CHFR: variants seen among roughly 807,000 people sequenced by gnomAD.
The protein encoded by CHFR is checkpoint with forkhead and ring finger domains.
In CHFR, 57 loss-of-function variants were observed where a neutral mutation model predicts 87.6. That is an observed-to-expected ratio of 0.65 (90% CI 0.53 to 0.81). The LOEUF (loss-of-function observed/expected upper bound fraction) is 0.81. Among genes scored for constraint, CHFR ranks in the 30% least tolerant of loss-of-function variants. The probability of loss-of-function intolerance (pLI) is 0.00; values close to 1 mark genes in which losing one functional copy is unlikely to be tolerated. For synonymous variants in CHFR, 381 were observed against 359.2 expected (o/e 1.06, Z -0.69); for missense variants, 797 against 865.8 (o/e 0.92, Z 1.00).
In CHFR at chr12:132,839,376, TC is replaced by T. The variant is rs1286311811; in HGVS notation, c.*2177del. 7.1e-6 allele frequency: 1 copy of T among 141,202 alleles called. No individual in the cohort carries two copies. Among genetic ancestry groups the T allele is most frequent in the African/African-American group, 2.8e-5 (1 of 35,706 alleles). 8.7% of individuals were successfully genotyped at this position (141,202 alleles called of 1,614,324 possible). On this transcript the variant is annotated 3_prime_UTR_variant, in exon 18 of 18. Coordinates refer to ENST00000450056, the MANE Select transcript of CHFR (RefSeq NM_001161346.2). Reference sequence around the variant, plus strand: ...CTCACCCCCGCACTAACTCAGGACCTCCCCTCTTGGCCTCACCCCTGCACAA... The same window carrying T: ...CTCACCCCCGCACTAACTCAGGACCTCCCTCTTGGCCTCACCCCTGCACAA...
chr12:132,869,968 G>A (rs1951446871), intron 5 of CHFR, 170 bp from the exon 6 acceptor site: 2 of 730,550 alleles, frequency 2.7e-6, no homozygotes, highest in South Asian at 3.6e-5. Context: ...CAGCACTTTG[G>A]GAAGTCGAGG....
rs535660157 is a variant in CHFR, at chr12:132,859,410, G to C, written c.752-183C>G. ...CTGTCGCCCAGGCTGGAGTGCAGTG[G>C]CGCGATCTCGGCTCACTGCAAGCTC... On this transcript the variant is annotated intron_variant, in intron 7 of 17. Coordinates refer to ENST00000450056, the MANE Select transcript of CHFR (RefSeq NM_001161346.2). 4.3e-3 allele frequency among the ~76,000 whole-genome samples: 657 copies of C among 152,184 alleles called. 7 individuals carry two copies. The highest frequency in any genetic ancestry group is 0.015 in the African/African-American group (633 of 41,540).
At position 132,869,696 on chromosome 12, in the gene CHFR, G is replaced by A. The variant is rs1252563891; in HGVS notation, c.506C>T (p.Thr169Met). Residue 169 changes from threonine (T) to methionine (M), a missense_variant, in exon 6 of 18, where the codon ACG (threonine) becomes ATG (methionine). Thr to Met is a moderately conservative substitution (Grantham distance 81, BLOSUM62 -1). Around this residue, in one of 2 missense-constraint regions of CHFR, gnomAD observed 597 missense variants for 601.2 expected, o/e 0.99. Coordinates refer to ENST00000450056, the MANE Select transcript of CHFR (RefSeq NM_001161346.2). ...CFEEPQPSTSTSDLFPTASAS... is the reference protein window; with the variant it reads ...CFEEPQPSTSMSDLFPTASAS... ...CGAGGCTGTGGGGAAGAGGTCTGAC[G>A]TCGATGTTGATGGCTGTGGTTCCTC... is the stretch of plus-strand genomic sequence containing the variant. 51 of 1,551,644 alleles carry A rather than the reference G, an allele frequency of 3.3e-5. No homozygotes were observed. Among genetic ancestry groups the A allele is most frequent in the Non-Finnish European group, 3.8e-5 (44 of 1,147,022 alleles).
intron 9 of CHFR, 84 bp downstream of exon 9, chr12:132,857,321 T>G (rs1439352916): frequency 7.1e-6 from 10 of 1,403,430 alleles, no homozygotes; most frequent in African/African-American, 1.6e-5. Context: ...CGGGTGCTGC[T>G]GGGTGGATGC....
chr12:132,853,412 T>C lies in CHFR; in HGVS notation c.1372+19A>G, dbSNP rs1474927915. On this transcript the variant is annotated intron_variant, in intron 11 of 17. Coordinates refer to ENST00000450056, the MANE Select transcript of CHFR (RefSeq NM_001161346.2). The stretch of plus-strand genomic sequence containing the variant: ...AGTGACTCACGCGAAGGCTGAGGCC[T>C]GAGGGCGGCGCGGCTCACCTGTCGT... The C allele has an allele frequency of 6.7e-7, 1 of 1,501,756 alleles. No individual in the cohort carries two copies. The highest frequency in any genetic ancestry group is 2.6e-5 in the East Asian group (1 of 39,012). 93.0% of individuals were successfully genotyped at this position (1,501,756 alleles called of 1,614,324 possible).
rs1950635731 is a variant in CHFR at position 132,834,909 on chromosome 12, G to A, written c.*6645C>T. 1 of 150,994 alleles carries A rather than the reference G, an allele frequency of 6.6e-6. No homozygotes were observed. Among genetic ancestry groups the A allele is most frequent in the East Asian group, 1.9e-4 (1 of 5,140 alleles). The allele number at this position is 150,994 out of a possible 1,614,324, so 9.4% of individuals were successfully genotyped here. On this transcript the variant is annotated 3_prime_UTR_variant, in exon 18 of 18. Coordinates refer to ENST00000450056, the MANE Select transcript of CHFR (RefSeq NM_001161346.2). ...TTTTTGGTATTTTTTAGTAGAGACG[G>A]GGTTTCACCATGTTAGCCAGGATGG... is the stretch of plus-strand genomic sequence containing the variant.
At chr12:132,846,280 TGA>T (rs1482796406) in intron 15 of CHFR, among the ~76,000 whole-genome samples, 80 of 123,126 alleles carry the variant, frequency 6.5e-4, no homozygotes, top group African/African-American at 1.8e-3. Flanking sequence ...TTTTTTTTTT[TGA>T]GACGGAGTCT....
intron 6 of CHFR, among the ~76,000 whole-genome samples, chr12:132,865,408 G>A (rs1951311350): frequency 6.6e-6 from 1 of 151,816 alleles, no homozygotes; most frequent in African/African-American, 2.4e-5. Context: ...AGGCTGGAGT[G>A]CAGTGACGCG....
intron 17 of CHFR, 101 bp from the exon 18 acceptor site, chr12:132,841,697 C>T (rs1052549911): frequency 2.8e-5 from 27 of 948,226 alleles, no homozygotes; most frequent in Admixed American, 1.5e-4. Flanking sequence ...TAAACGCATT[C>T]GGAAACCATA....
rs1470098446 is a variant in CHFR at position 132,887,365 on chromosome 12, T to G, written c.-12-25A>C. 4 of 1,340,788 alleles carry G rather than the reference T, an allele frequency of 3.0e-6. No individual in the cohort carries two copies. The African/African-American group carries it at 6.2e-5, about 21-fold the overall frequency. 83.1% of individuals were successfully genotyped at this position (1,340,788 alleles called of 1,614,324 possible). ...TCTGCGGAGACCCCGGAAACGCCCA[T>G]GGAGACTCCCGACCCCAGAGGCCGA... On this transcript the variant is annotated intron_variant, in intron 1 of 17. Coordinates refer to ENST00000450056, the MANE Select transcript of CHFR (RefSeq NM_001161346.2).
Position 132,835,760 on chromosome 12 carries a change from G to A in CHFR, c.*5794C>T. On this transcript the variant is annotated 3_prime_UTR_variant, in exon 18 of 18. Coordinates refer to ENST00000450056, the MANE Select transcript of CHFR (RefSeq NM_001161346.2). Reference sequence around the variant, plus strand: ...GCGGCCCAAGTGGACCCACATTCAAGGCCAGCACTGGGCAGGGCGGGTCTC... The same window carrying A: ...GCGGCCCAAGTGGACCCACATTCAAAGCCAGCACTGGGCAGGGCGGGTCTC... 1 of 290,202 alleles carries A rather than the reference G, an allele frequency of 3.4e-6. No individual in the cohort carries two copies. The highest frequency in any genetic ancestry group is 6.7e-6 in the Non-Finnish European group (1 of 148,416). The allele number at this position is 290,202 out of a possible 1,614,324, so 18.0% of individuals were successfully genotyped here.
At chr12:132,851,105 C>CTCA (rs1950934085) in intron 12 of CHFR, among the ~76,000 whole-genome samples, 2 of 151,872 alleles carry the variant, frequency 1.3e-5, no homozygotes, top group Non-Finnish European at 2.9e-5. Context: ...ATCCTTTGGC[C>CTCA]TCAGCCTCCC....
chr12:132,858,986 G>A lies in CHFR; in HGVS notation c.911+82C>T, dbSNP rs912649299. Reference sequence around the variant, plus strand: ...CAGGCCAAACAGGACCTGCAGGCTTGTCTCATGCCCAGCCCTGCCCCACAC... The same window carrying A: ...CAGGCCAAACAGGACCTGCAGGCTTATCTCATGCCCAGCCCTGCCCCACAC... On this transcript the variant is annotated intron_variant, in intron 8 of 17. Transcript: ENST00000450056. The A allele has an allele frequency of 3.0e-5, 41 of 1,386,642 alleles. No homozygotes were observed. In the African/African-American group the frequency reaches 5.7e-4, roughly 19 times the overall value. The allele number at this position is 1,386,642 out of a possible 1,614,324, so 85.9% of individuals were successfully genotyped here. A position where few individuals can be genotyped will look rare whatever the true frequency, so the allele number is the denominator to read the frequency against.
intron 2 of CHFR, among the ~76,000 whole-genome samples, chr12:132,878,433 C>G (rs1417124726): frequency 6.6e-6 from 1 of 151,134 alleles, no homozygotes; most frequent in African/African-American, 2.4e-5. Flanking sequence ...CGCGCCACTG[C>G]ACTCCAGCCT....
At chr12:132,877,951 C>T (rs1335408082) in intron 2 of CHFR, among the ~76,000 whole-genome samples, 7 of 152,146 alleles carry the variant, frequency 4.6e-5, no homozygotes, top group Non-Finnish European at 1.0e-4. Context: ...TGCAGGCGCC[C>T]GCCATCACGC....
rs1470198072 is a variant in CHFR, at chr12:132,834,839, C to G, written c.*6715G>C. The G allele has an allele frequency of 6.6e-6, 1 of 152,188 alleles. No individual in the cohort carries two copies. The highest frequency in any genetic ancestry group is 2.4e-5 in the African/African-American group (1 of 41,402). 9.4% of individuals were successfully genotyped at this position (152,188 alleles called of 1,614,324 possible). A position where few individuals can be genotyped will look rare whatever the true frequency, so the allele number is the denominator to read the frequency against. ...CAAGCCATTCTCCTGCCTCAGCCTCCCGAGTAGCTGGGACTACAGGCACCC... is the reference window on the plus strand; with the variant it reads ...CAAGCCATTCTCCTGCCTCAGCCTCGCGAGTAGCTGGGACTACAGGCACCC... On this transcript the variant is annotated 3_prime_UTR_variant, in exon 18 of 18. Transcript: ENST00000450056.
At chr12:132,886,799 C>A (rs1424616105) in intron 2 of CHFR, among the ~76,000 whole-genome samples, 1 of 152,146 alleles carries the variant, frequency 6.6e-6, no homozygotes, top group Non-Finnish European at 1.5e-5. Context: ...AAAACAAGGT[C>A]CCCGTTGTAA....
At chr12:132,871,184 G>C (rs1276865807) in intron 4 of CHFR, among the ~76,000 whole-genome samples, 1 of 152,220 alleles carries the variant, frequency 6.6e-6, no homozygotes, top group East Asian at 1.9e-4. Context: ...AGGTGCAGTG[G>C]CTCTTGCCTG....
rs1244772415 is a variant in CHFR, at chr12:132,839,267, C to T, written c.*2287G>A. 3 of 172,794 alleles carry T rather than the reference C, an allele frequency of 1.7e-5. No homozygotes were observed. In the East Asian group the frequency reaches 5.7e-4, roughly 33 times the overall value. The allele number at this position is 172,794 out of a possible 1,614,324, so 10.7% of individuals were successfully genotyped here. A position where few individuals can be genotyped will look rare whatever the true frequency, so the allele number is the denominator to read the frequency against. ...CACTTCATTGGCGAATGCCAGCCTCCCCTCTCAGCCTCGCACCTGCACAAA... is the reference window on the plus strand; with the variant it reads ...CACTTCATTGGCGAATGCCAGCCTCTCCTCTCAGCCTCGCACCTGCACAAA... On this transcript the variant is annotated 3_prime_UTR_variant, in exon 18 of 18. Transcript: ENST00000450056.
Sources: gnomAD v4.1 joint callset for allele counts (sites outside exome capture counted in the v4.1 genomes callset) on GRCh38, gnomAD v4.1.1 for gene constraint, gnomAD v4.1.1 regional missense constraint, MANE v1.5 for transcripts, NCBI Gene and HGNC (gene_info 2026-07-23, HGNC 2026-07-21) for gene names.